The following MAGT1 variants were observed in gnomAD, a reference collection of about 807,000 sequenced individuals.
The protein encoded by MAGT1 is dolichyl-diphosphooligosaccharide--protein glycosyltransferase subunit MAGT1.
Under a neutral mutation model 28.4 loss-of-function variants are expected in MAGT1, and 4 were observed. The ratio of observed to expected loss-of-function variants is 0.14; its 90% CI spans 0.07 to 0.32. MAGT1 has a LOEUF of 0.32. Ranked by LOEUF, MAGT1 falls within the 10% of genes least tolerant of loss-of-function variation. The pLI is 1.00. For synonymous variants in MAGT1, 89 were observed against 89.7 expected (o/e 0.99, Z 0.04); for missense variants, 193 against 264.5 (o/e 0.73, Z 1.88).
chrX:77,863,819 G>A (rs183620791), intron 3 of MAGT1, among the ~76,000 whole-genome samples: 1 of 111,075 alleles, frequency 9.0e-6, no homozygotes, highest in African/African-American at 3.3e-5. Context: ...GGAGTTGGAG[G>A]GAGACCAGCC....
chrX:77,858,171 G>C (rs1037371724), intron 3 of MAGT1, among the ~76,000 whole-genome samples: 5 of 111,119 alleles, frequency 4.5e-5, no homozygotes, highest in African/African-American at 6.5e-5. Context: ...AGATTGGCTT[G>C]CACAAATCAA....
chrX:77,874,723 C>T, intron 2 of MAGT1, among the ~76,000 whole-genome samples: 1 of 110,779 alleles, frequency 9.0e-6, no homozygotes, highest in Non-Finnish European at 1.9e-5. Context: ...CTGTTTCTTC[C>T]AAAAATAGTA....
intron 7 of MAGT1, among the ~76,000 whole-genome samples, chrX:77,847,416 G>T (rs1343903286): frequency 9.0e-6 from 1 of 111,699 alleles, no homozygotes; most frequent in African/African-American, 3.2e-5. Flanking sequence ...TTCGGTTCAC[G>T]CTCAGTGCGC....
intron 3 of MAGT1, 131 bp from the exon 4 acceptor site, chrX:77,857,628 G>C: frequency 2.5e-6 from 2 of 814,657 alleles, no homozygotes; most frequent in Non-Finnish European, 3.6e-6. Context: ...GATTTGGTTT[G>C]CCCAAGGAAA....
intron 7 of MAGT1, among the ~76,000 whole-genome samples, chrX:77,843,395 C>T (rs1305935875): frequency 4.5e-5 from 5 of 110,982 alleles, no homozygotes; most frequent in African/African-American, 1.6e-4. Context: ...TACCACGCCA[C>T]GTTCGTTTTG....
chrX:77,874,008 A>C (rs2077026694), intron 2 of MAGT1, among the ~76,000 whole-genome samples: 1 of 108,806 alleles, frequency 9.2e-6, no homozygotes, highest in African/African-American at 3.3e-5. Flanking sequence ...TTTTTGAGAC[A>C]GGGTCTTGGT....
chrX:77,891,512 C>G (rs1235858163), intron 1 of MAGT1, among the ~76,000 whole-genome samples: 1 of 111,488 alleles, frequency 9.0e-6, no homozygotes, highest in Non-Finnish European at 1.9e-5. Context: ...GGCCAGTCCC[C>G]TCATCTTTAA....
At chrX:77,883,605 C>T (rs1557218729) in intron 1 of MAGT1, among the ~76,000 whole-genome samples, 1 of 87,969 alleles carries the variant, frequency 1.1e-5, no homozygotes, top group Admixed American at 1.5e-4. Context: ...GTTGCCTAGG[C>T]TGGAGTGCAG....
At chrX:77,870,010 C>T (rs891100435) in intron 3 of MAGT1, among the ~76,000 whole-genome samples, 8 of 112,232 alleles carry the variant, frequency 7.1e-5, no homozygotes, top group Non-Finnish European at 1.5e-4. Context: ...AAGTGTCCAT[C>T]AGCCAATGAG....
At chrX:77,868,639 A>G in intron 3 of MAGT1, 1 of 309,363 alleles carries the variant, frequency 3.2e-6, no homozygotes, top group South Asian at 2.9e-5. Context: ...TCCATCTCAA[A>G]AAACCTGAAA....
chrX:77,850,489 G>C (rs2076964468), intron 7 of MAGT1, among the ~76,000 whole-genome samples: 1 of 68,255 alleles, frequency 1.5e-5, no homozygotes, highest in Non-Finnish European at 2.6e-5. Context: ...AAAAAAGGGG[G>C]GGGGGGTGGG....
At chrX:77,845,018 G>T (rs2076947262) in intron 7 of MAGT1, among the ~76,000 whole-genome samples, 1 of 110,592 alleles carries the variant, frequency 9.0e-6, no homozygotes. Context: ...TCTGTCTCGT[G>T]GATCTGTCTA....
At chrX:77,889,353 T>C (rs2077075634) in intron 1 of MAGT1, among the ~76,000 whole-genome samples, 2 of 102,236 alleles carry the variant, frequency 2.0e-5, no homozygotes, top group South Asian at 4.5e-4. Context: ...TGTGTACATA[T>C]ATATGTACAT....
intron 1 of MAGT1, among the ~76,000 whole-genome samples, chrX:77,893,475 TA>T (rs782477525): frequency 3.7e-5 from 4 of 106,830 alleles, no homozygotes; most frequent in South Asian, 3.9e-4. Context: ...CTGATTCCTT[TA>T]AAAAAAAAAC....
At chrX:77,862,903 A>G (rs2149020543) in intron 3 of MAGT1, among the ~76,000 whole-genome samples, 1 of 111,672 alleles carries the variant, frequency 9.0e-6, no homozygotes, top group South Asian at 3.7e-4. Context: ...ACGGTGGCTC[A>G]TTCCTATAAT....
chrX:77,891,479 T>C (rs1386306498), intron 1 of MAGT1, among the ~76,000 whole-genome samples: 1 of 111,439 alleles, frequency 9.0e-6, no homozygotes, highest in South Asian at 3.7e-4. Context: ...GTTCTGGGAT[T>C]ATAGGCATGA....
At chrX:77,840,057 C>T (rs1471230045) in intron 8 of MAGT1, among the ~76,000 whole-genome samples, 17 of 110,397 alleles carry the variant, frequency 1.5e-4, no homozygotes, top group Non-Finnish European at 3.2e-4. Flanking sequence ...AGACAGAGGA[C>T]CACACAGTTA....
In MAGT1 at chrX:77,857,430, G is replaced by A; in HGVS notation, c.458C>T (p.Thr153Ile). 1 of 1,211,628 alleles carries A rather than the reference G, an allele frequency of 8.3e-7. No individual in the cohort carries two copies. Among genetic ancestry groups the A allele is most frequent in the Non-Finnish European group, 1.1e-6 (1 of 895,235 alleles). ...AAAACCCCGCACCTGTAACTCATAT[G>A]TATCACCCCGTTTGGGTTTCCCTTT... ...PAKGKPKRGD[T>I]YELQVRGFSA... The change falls in exon 4 of 10, where the codon ACA becomes ATA. Residue 153 changes from threonine (T) to isoleucine (I), a missense_variant. By Grantham distance (89) the Thr-to-Ile change is moderately conservative. Transcript: ENST00000618282.
At chrX:77,848,351 G>A (rs2076957838) in intron 7 of MAGT1, among the ~76,000 whole-genome samples, 2 of 112,096 alleles carry the variant, frequency 1.8e-5, no homozygotes. Flanking sequence ...CAACAACTAG[G>A]CTATTAAAAG....
Sources: allele counts gnomAD v4.1 joint callset (sites outside exome capture counted in the v4.1 genomes callset), GRCh38; gene constraint gnomAD v4.1.1; transcripts MANE v1.5; gene names NCBI Gene and HGNC (gene_info 2026-07-23, HGNC 2026-07-21).